The following WDR26 variants were observed in gnomAD, a reference collection of about 807,000 sequenced individuals.
WDR26 encodes WD repeat-containing protein 26.
WDR26 carries 5 observed loss-of-function variants against 84.1 expected under a neutral mutation model. The ratio of observed to expected loss-of-function variants is 0.06; its 90% CI spans 0.03 to 0.13. The LOEUF (loss-of-function observed/expected upper bound fraction) is 0.13. Ranked by LOEUF, WDR26 falls within the 10% of genes least tolerant of loss-of-function variation. WDR26 has a pLI of 1.00. For missense variants in WDR26, 642 were observed against 974.9 expected (o/e 0.66, Z 4.55); for synonymous variants, 415 against 389.6 (o/e 1.07, Z -0.77).
intron 7 of WDR26, among the ~76,000 whole-genome samples, chr1:224,410,287 A>G (rs1673700180): frequency 6.6e-6 from 1 of 151,368 alleles, no homozygotes; most frequent in African/African-American, 2.4e-5. Context: ...GTCTCAAAAA[A>G]AAAAAAAAAA....
chr1:224,394,536 A>T (rs1037424003), intron 12 of WDR26, among the ~76,000 whole-genome samples: 2 of 149,076 alleles, frequency 1.3e-5, no homozygotes, highest in Admixed American at 6.7e-5. Flanking sequence ...ACGGAGTCTC[A>T]CTCTGTTGCC....
intron 7 of WDR26, among the ~76,000 whole-genome samples, chr1:224,410,070 C>T (rs942772849): frequency 6.6e-6 from 1 of 151,924 alleles, no homozygotes; most frequent in Non-Finnish European, 1.5e-5. Flanking sequence ...CACCTGAGGT[C>T]AGGAGTTTGA....
At chr1:224,420,287 G>A (rs1674023073) in intron 4 of WDR26, among the ~76,000 whole-genome samples, 1 of 152,214 alleles carries the variant, frequency 6.6e-6, no homozygotes, top group African/African-American at 2.4e-5. Context: ...AGATTCTGGA[G>A]AATACATGAG....
At chr1:224,399,848 T>C (rs1320600330) in intron 9 of WDR26, among the ~76,000 whole-genome samples, 2 of 152,320 alleles carry the variant, frequency 1.3e-5, no homozygotes, top group African/African-American at 4.8e-5. Flanking sequence ...AGCTCATGCC[T>C]ATAATCCCAG....
chr1:224,407,564 A>G (rs1466726689), intron 7 of WDR26, among the ~76,000 whole-genome samples: 1 of 149,036 alleles, frequency 6.7e-6, no homozygotes, highest in African/African-American at 2.5e-5. Flanking sequence ...GCTGGAGTGC[A>G]GTGGCGCAAT....
chr1:224,389,902 G>GT, intron 13 of WDR26, 42 bp from the exon 14 acceptor site: 34 of 376,214 alleles, frequency 9.0e-5, no homozygotes, highest in Non-Finnish European at 1.6e-4. Flanking sequence ...GCGGGCGGGG[G>GT]AGGGAAGAGG....
Position 224,433,879 on chromosome 1 carries a change from A to T in WDR26, c.527T>A (p.Val176Asp). Residue 176 changes from valine to aspartate, a missense_variant, in exon 1 of 14, where the codon GTC (valine) becomes GAC (aspartate). Physicochemically the swap from Val to Asp is radical, Grantham distance 152. Coordinates refer to ENST00000414423, the MANE Select transcript of WDR26 (RefSeq NM_001379403.1). ...CGCCCCGCCGGGAACCCCGTTATTG[A>T]CATTCAGGCTGTTGCTATTGTTGCT... The T allele has an allele frequency of 6.5e-7, 1 of 1,536,920 alleles. No homozygotes were observed. Among genetic ancestry groups the T allele is most frequent in the Non-Finnish European group, 8.7e-7 (1 of 1,146,766 alleles).
Position 224,389,680 on chromosome 1 carries a change from A to G in WDR26, c.*155T>C, listed in dbSNP as rs1190835341. 1.1e-5 allele frequency: 8 copies of G among 751,906 alleles called. No homozygotes were observed. The highest frequency in any genetic ancestry group is 1.8e-5 in the Non-Finnish European group (8 of 439,910). 46.6% of individuals were successfully genotyped at this position (751,906 alleles called of 1,614,324 possible). ...AACTGGTTACTATGAAGCAAGGTGT[A>G]AATGTTTGGCCCCAATCGGGCTTCA... On this transcript the variant is annotated 3_prime_UTR_variant, in exon 14 of 14. Coordinates refer to ENST00000414423, the MANE Select transcript of WDR26 (RefSeq NM_001379403.1).
intron 2 of WDR26, 48 bp from the exon 3 acceptor site, chr1:224,431,629 A>T: frequency 6.2e-7 from 1 of 1,610,388 alleles, no homozygotes; most frequent in Non-Finnish European, 8.5e-7. Context: ...CAAAATGCAC[A>T]TCAAATCTGT....
intron 4 of WDR26, among the ~76,000 whole-genome samples, chr1:224,421,230 T>C (rs183651305): frequency 6.6e-6 from 1 of 152,266 alleles, no homozygotes; most frequent in African/African-American, 2.4e-5. Flanking sequence ...TGACTAATTA[T>C]ATGTTCTGAC....
chr1:224,394,254 G>T (rs1007441704), intron 12 of WDR26, among the ~76,000 whole-genome samples: 7 of 152,124 alleles, frequency 4.6e-5, no homozygotes, highest in African/African-American at 1.7e-4. Context: ...GCAATATTCT[G>T]TCAATACATG....
At chr1:224,410,860 G>A (rs539091681) in intron 7 of WDR26, among the ~76,000 whole-genome samples, 68 of 151,948 alleles carry the variant, frequency 4.5e-4, no homozygotes, top group Non-Finnish European at 6.6e-4. Context: ...CATCATGCCT[G>A]GCTAATTTTT....
At chr1:224,402,319 G>GT (rs753374794) in intron 8 of WDR26, among the ~76,000 whole-genome samples, 22 of 152,154 alleles carry the variant, frequency 1.4e-4, no homozygotes, top group Non-Finnish European at 2.4e-4. Context: ...GATATAAACA[G>GT]TTGAAAGTTT....
chr1:224,398,944 C>T lies in WDR26; in HGVS notation c.1810G>A (p.Asp604Asn). 1 of 1,613,796 alleles carries T rather than the reference C, an allele frequency of 6.2e-7. No homozygotes were observed. The highest frequency in any genetic ancestry group is 8.5e-7 in the Non-Finnish European group (1 of 1,179,920). Residue 604 changes from aspartate (D) to asparagine (N), a missense_variant, in exon 10 of 14, where the codon GAT becomes AAT. Around this residue, in one of 2 missense-constraint regions of WDR26, gnomAD observed 351 missense variants for 672.8 expected, o/e 0.52. Transcript: ENST00000414423. The stretch of plus-strand genomic sequence containing the variant: ...TAGCCCCGAATTCGCTGGTGTGTAT[C>T]TGATGCCAGAACAGTCTTTCCATCA...
intron 9 of WDR26, 75 bp downstream of exon 9, chr1:224,400,875 C>T: frequency 1.9e-6 from 3 of 1,567,860 alleles, no homozygotes; most frequent in Non-Finnish European, 1.7e-6. Context: ...GATACTGAGT[C>T]AAGGAAATTG....
intron 6 of WDR26, among the ~76,000 whole-genome samples, chr1:224,414,813 C>T (rs1375158329): frequency 1.3e-5 from 1 of 74,246 alleles, no homozygotes; most frequent in Non-Finnish European, 3.7e-5. Flanking sequence ...GCAACCCCAT[C>T]TCCAAAAAAA....
intron 3 of WDR26, among the ~76,000 whole-genome samples, chr1:224,427,845 T>TA (rs1460226586): frequency 6.6e-6 from 1 of 152,156 alleles, no homozygotes; most frequent in Non-Finnish European, 1.5e-5. Context: ...AATTAACAAA[T>TA]AATGTTAAAT....
chr1:224,410,132 T>G (rs1673693397), intron 7 of WDR26, among the ~76,000 whole-genome samples: 1 of 151,324 alleles, frequency 6.6e-6, no homozygotes, highest in Admixed American at 6.6e-5. Context: ...AATACAAAAA[T>G]TAGCCAGGCG....
At chr1:224,432,989 T>C (rs1374349001) in intron 1 of WDR26, among the ~76,000 whole-genome samples, 2 of 152,242 alleles carry the variant, frequency 1.3e-5, no homozygotes, top group Non-Finnish European at 2.9e-5. Flanking sequence ...TGTCCCCTTT[T>C]CAGAGGCGAT....
Sources: allele counts gnomAD v4.1 joint callset (sites outside exome capture counted in the v4.1 genomes callset), GRCh38; gene constraint gnomAD v4.1.1; regional missense constraint gnomAD v4.1.1; transcripts MANE v1.5; gene names NCBI Gene and HGNC (gene_info 2026-07-23, HGNC 2026-07-21).